Variants in IGDCC4 observed in about 807,000 individuals in gnomAD.
IGDCC4 encodes the protein immunoglobulin superfamily DCC subclass member 4, also known as likely ortholog of mouse neighbor of Punc E11.
In IGDCC4, 72 loss-of-function variants were observed where a neutral mutation model predicts 116.6. The ratio of observed to expected loss-of-function variants is 0.62; its 90% CI spans 0.51 to 0.75. IGDCC4 has a LOEUF of 0.75. IGDCC4 is among the 30% of genes least tolerant of loss of function. The probability of loss-of-function intolerance (pLI) is 0.00; values close to 1 mark genes in which losing one functional copy is unlikely to be tolerated. For missense variants in IGDCC4, 1,501 were observed against 1,662.4 expected (o/e 0.90, Z 1.69); for synonymous variants, 709 against 719.9 (o/e 0.98, Z 0.24).
At chr15:65,387,073 C>T (rs938128384) in intron 16 of IGDCC4, among the ~76,000 whole-genome samples, 3 of 152,146 alleles carry the variant, frequency 2.0e-5, no homozygotes, top group African/African-American at 7.2e-5. Flanking sequence ...GTCACCCAGG[C>T]CGGAGTGCAG....
chr15:65,391,953 G>C lies in IGDCC4; in HGVS notation c.2151C>G (p.Leu717=). 6.2e-7 allele frequency: 1 copy of C among 1,613,034 alleles called. No homozygotes were observed. The highest frequency in any genetic ancestry group is 8.5e-7 in the Non-Finnish European group (1 of 1,179,618). ...LVPGRLYEVK[L]VAFNKHEDGY... Reference sequence around the variant, plus strand: ...CATCCTCATGTTTGTTGAAAGCCACGAGCTTCACCTCGTACAGCCGGCCAG... The same window carrying C: ...CATCCTCATGTTTGTTGAAAGCCACCAGCTTCACCTCGTACAGCCGGCCAG... Residue 717 remains leucine, a synonymous_variant, in exon 12 of 20, where the codon CTC becomes CTG. Coordinates refer to ENST00000352385, the MANE Select transcript of IGDCC4 (RefSeq NM_020962.3).
At chr15:65,415,342 C>T (rs1595795412) in intron 1 of IGDCC4, among the ~76,000 whole-genome samples, 1 of 152,236 alleles carries the variant, frequency 6.6e-6, no homozygotes. Flanking sequence ...GGTATGTCAG[C>T]AGCCTGGGCT....
chr15:65,413,317 C>T (rs1279517848), intron 1 of IGDCC4, among the ~76,000 whole-genome samples: 1 of 152,070 alleles, frequency 6.6e-6, no homozygotes, highest in African/African-American at 2.4e-5. Flanking sequence ...TGGAGAAGCT[C>T]AACACTCCCT....
rs1264457634 is a variant in IGDCC4 at position 65,384,173 on chromosome 15, G to A, written c.3589C>T (p.Leu1197Phe). Residue 1197 changes from leucine (L) to phenylalanine (F), a missense_variant, in exon 20 of 20, where the codon CTT (leucine) becomes TTT (phenylalanine). By Grantham distance (22) the Leu-to-Phe change is conservative (BLOSUM62 0). This residue lies in a region of IGDCC4 where 368 missense variants were observed against 355.6 expected (regional missense o/e 1.03). Transcript: ENST00000352385. The surrounding 1 kb of genome is among the most constrained non-coding windows in gnomAD (Gnocchi z 4.9). ...CTGGCTGCCTCTGGCAAGCAGGTAAGTCTGTCTGGCCCGGGGGCTGCCAGC... is the reference window on the plus strand; with the variant it reads ...CTGGCTGCCTCTGGCAAGCAGGTAAATCTGTCTGGCCCGGGGGCTGCCAGC... ...CELAAPGPDR[L>F]TCLPEAASAS... The A allele has an allele frequency of 6.2e-7, 1 of 1,613,492 alleles. No homozygotes were observed. Among genetic ancestry groups the A allele is most frequent in the African/African-American group, 1.3e-5 (1 of 74,900 alleles).
chr15:65,403,495 C>T (rs758213938), intron 3 of IGDCC4, among the ~76,000 whole-genome samples: 6 of 152,152 alleles, frequency 3.9e-5, no homozygotes, highest in Non-Finnish European at 7.4e-5. Context: ...ATAAAATACT[C>T]TTTATTCACA....
At chr15:65,405,109 G>A (rs1278018393) in intron 3 of IGDCC4, among the ~76,000 whole-genome samples, 1 of 129,586 alleles carries the variant, frequency 7.7e-6, no homozygotes, top group Non-Finnish European at 1.6e-5. Context: ...TTGGAAAAGT[G>A]TTCAAAATAT....
Position 65,384,198 on chromosome 15 carries a change from C to G in IGDCC4, c.3564G>C (p.Glu1188Asp), listed in dbSNP as rs1325921569. ...AWLDRELGGCELAAPGPDRLT... is the reference protein window; with the variant it reads ...AWLDRELGGCDLAAPGPDRLT... ...GTCTGTCTGGCCCGGGGGCTGCCAG[C>G]TCACACCCTCCCAACTCCCTGTCCA... Residue 1188 changes from glutamate (E) to aspartate (D), a missense_variant, in exon 20 of 20, where the codon GAG (glutamate) becomes GAC (aspartate). Transcript: ENST00000352385. This position sits in a 1 kb window ranked among gnomAD's most constrained non-coding sequence, Gnocchi z 4.9. 1 of 1,610,084 alleles carries G rather than the reference C, an allele frequency of 6.2e-7. No homozygotes were observed. The highest frequency in any genetic ancestry group is 1.3e-5 in the African/African-American group (1 of 74,860).
rs2091492413 is a variant in IGDCC4, at chr15:65,389,474, C to T, written c.2409-63G>A. ...CACTCTCCCAGCAGGGCAGACTCCTCCAAATCTACTCCCCTGCAGTCAGCC... is the reference window on the plus strand; with the variant it reads ...CACTCTCCCAGCAGGGCAGACTCCTTCAAATCTACTCCCCTGCAGTCAGCC... On this transcript the variant is annotated intron_variant, in intron 13 of 19. Transcript: ENST00000352385. 3 of 1,609,192 alleles carry T rather than the reference C, an allele frequency of 1.9e-6. No individual in the cohort carries two copies. The South Asian group carries it at 3.3e-5, about 18-fold the overall frequency.
intron 5 of IGDCC4, among the ~76,000 whole-genome samples, 195 bp from the exon 6 acceptor site, chr15:65,397,184 G>A (rs554573174): frequency 1.3e-5 from 2 of 152,354 alleles, no homozygotes; most frequent in African/African-American, 4.8e-5. Context: ...GCCCTTAACT[G>A]GCAGGGTTTC....
At chr15:65,402,052 C>T (rs139931767) in intron 4 of IGDCC4, among the ~76,000 whole-genome samples, 7,856 of 152,196 alleles carry the variant, frequency 0.052, 250 homozygotes, top group South Asian at 0.06. Flanking sequence ...TCAGATGCCT[C>T]GCATCCCCAC....
intron 10 of IGDCC4, among the ~76,000 whole-genome samples, chr15:65,392,782 AG>A (rs2062879947): frequency 6.6e-6 from 1 of 152,174 alleles, no homozygotes; most frequent in South Asian, 2.1e-4. Context: ...CCATTACAGT[AG>A]GGAGACCCAC....
chr15:65,411,510 C>T (rs2063094459), intron 1 of IGDCC4, 140 bp from the exon 2 acceptor site: 1 of 674,634 alleles, frequency 1.5e-6, no homozygotes, highest in Non-Finnish European at 2.4e-6. Context: ...CCCTTACTAA[C>T]TGTGACCTTG....
chr15:65,384,003 G>A lies in IGDCC4; in HGVS notation c.*6C>T. The A allele has an allele frequency of 3.2e-6, 5 of 1,569,686 alleles. No individual in the cohort carries two copies. Among genetic ancestry groups the A allele is most frequent in the Non-Finnish European group, 4.3e-6 (5 of 1,152,888 alleles). Reference sequence around the variant, plus strand: ...GCCTGCCCCAAACCACATCCTCTGGGAAGAGCTAGGCAGAGGAGGAGACCG... The same window carrying A: ...GCCTGCCCCAAACCACATCCTCTGGAAAGAGCTAGGCAGAGGAGGAGACCG... On this transcript the variant is annotated 3_prime_UTR_variant, in exon 20 of 20. Transcript: ENST00000352385. This position sits in a 1 kb window ranked among gnomAD's most constrained non-coding sequence, Gnocchi z 4.9.
intron 7 of IGDCC4, among the ~76,000 whole-genome samples, chr15:65,395,504 G>A (rs2062914533): frequency 6.6e-6 from 1 of 152,124 alleles, no homozygotes; most frequent in Non-Finnish European, 1.5e-5. Context: ...ATGGGAGGTG[G>A]CTCCAGGAAC....
intron 16 of IGDCC4, 70 bp from the exon 17 acceptor site, chr15:65,386,726 T>C (rs1391198599): frequency 2.5e-6 from 3 of 1,186,670 alleles, no homozygotes; most frequent in Non-Finnish European, 3.6e-6. Flanking sequence ...ATCAGGACTA[T>C]CCATGGCTTT....
Position 65,411,265 on chromosome 15 carries a change from A to G in IGDCC4, c.176T>C (p.Leu59Pro), listed in dbSNP as rs1044874360. 3 of 1,614,020 alleles carry G rather than the reference A, an allele frequency of 1.9e-6. No individual in the cohort carries two copies. Among genetic ancestry groups the G allele is most frequent in the Non-Finnish European group, 2.5e-6 (3 of 1,179,984 alleles). The change falls in exon 2 of 20, where the codon CTG becomes CCG. Residue 59 changes from leucine to proline, a missense_variant. Around this residue, in one of 3 missense-constraint regions of IGDCC4, gnomAD observed 898 missense variants for 978.9 expected, o/e 0.92. Transcript: ENST00000352385. ...GGGGGGTCCAGCGGCAGCAGCCCCC[A>G]GGCTACAGTTTAGCACTGCAGCCTG... ...PEQAAVLNCS[L>P]GAAAAGPPTR...
In IGDCC4 at chr15:65,386,046, C is replaced by T. The variant is rs373104829; in HGVS notation, c.2965G>A (p.Gly989Ser). Reference sequence around the variant, plus strand: ...CCGGGGGTGGCGGTGGAGGACAGGCCTGGGAGGGATTCCCTGGAAGGGAAG... The same window carrying T: ...CCGGGGGTGGCGGTGGAGGACAGGCTTGGGAGGGATTCCCTGGAAGGGAAG... Reference protein sequence around the residue: ...RRSPHRESLPGLSSTATPGNP... With the variant: ...RRSPHRESLPSLSSTATPGNP... The change falls in exon 18 of 20, where the codon GGC (glycine) becomes AGC (serine). Residue 989 changes from glycine to serine, a missense_variant. Physicochemically the swap from Gly to Ser is moderately conservative, Grantham distance 56. This residue lies in a region of IGDCC4 where 368 missense variants were observed against 355.6 expected (regional missense o/e 1.03). Transcript: ENST00000352385. The T allele has an allele frequency of 5.5e-4, 842 of 1,519,996 alleles. 4 individuals are homozygous for T. The South Asian group carries it at 0.01, about 18-fold the overall frequency. The allele number at this position is 1,519,996 out of a possible 1,614,324, so 94.2% of individuals were successfully genotyped here. A position where few individuals can be genotyped will look rare whatever the true frequency, so the allele number is the denominator to read the frequency against.
rs751241059 is a variant in IGDCC4, at chr15:65,411,233, C to T, written c.208G>A (p.Val70Met). 6.2e-7 allele frequency: 1 copy of T among 1,614,166 alleles called. No individual in the cohort carries two copies. The highest frequency in any genetic ancestry group is 2.2e-5 in the East Asian group (1 of 44,880). The change falls in exon 2 of 20, where the codon GTG becomes ATG. Residue 70 changes from valine (V) to methionine (M), a missense_variant. Physicochemically the swap from Val to Met is conservative, Grantham distance 21. Around this residue, in one of 3 missense-constraint regions of IGDCC4, gnomAD observed 898 missense variants for 978.9 expected, o/e 0.92. Coordinates refer to ENST00000352385, the MANE Select transcript of IGDCC4 (RefSeq NM_020962.3). ...GAAAAGPPTR[V>M]TWSKDGDTLL... ...GTGTCCCCATCCTTGCTCCAGGTCA[C>T]CCTGGTGGGGGGTCCAGCGGCAGCA...
chr15:65,396,094 C>T lies in IGDCC4; in HGVS notation c.1067G>A (p.Cys356Tyr). Residue 356 changes from cysteine (C) to tyrosine (Y), a missense_variant, in exon 7 of 20, where the codon TGC (cysteine) becomes TAC (tyrosine). Cys to Tyr is a radical substitution (Grantham distance 194). Coordinates refer to ENST00000352385, the MANE Select transcript of IGDCC4 (RefSeq NM_020962.3). ...TGGCCGCGGCTCCCCCGACGCGCGG[C>T]ACACGAAGCGCGCTGTGCTCGCCCG... ...RTRASTARFV[C>Y]RASGEPRPAL... 1 of 1,390,968 alleles carries T rather than the reference C, an allele frequency of 7.2e-7. No homozygotes were observed. Among genetic ancestry groups the T allele is most frequent in the Non-Finnish European group, 9.3e-7 (1 of 1,080,416 alleles). The allele number at this position is 1,390,968 out of a possible 1,614,324, so 86.2% of individuals were successfully genotyped here. A position where few individuals can be genotyped will look rare whatever the true frequency, so the allele number is the denominator to read the frequency against.
Sources: gnomAD v4.1 joint callset for allele counts (sites outside exome capture counted in the v4.1 genomes callset) on GRCh38, gnomAD v4.1.1 for gene constraint, gnomAD v4.1.1 regional missense constraint, Gnocchi (gnomAD v3.1) non-coding constraint, MANE v1.5 for transcripts, NCBI Gene and HGNC (gene_info 2026-07-23, HGNC 2026-07-21) for gene names.